The following SLC45A4 variants were observed in gnomAD, a reference collection of about 807,000 sequenced individuals.
The protein encoded by SLC45A4 is polyamine-transporter SLC45A4.
Under a neutral mutation model 63.7 loss-of-function variants are expected in SLC45A4, and 32 were observed. The ratio of observed to expected loss-of-function variants is 0.50; its 90% CI spans 0.38 to 0.67. The LOEUF is 0.67. Among genes scored for constraint, SLC45A4 ranks in the 30% least tolerant of loss-of-function variants. The probability of loss-of-function intolerance (pLI) is 0.00; values close to 1 mark genes in which losing one functional copy is unlikely to be tolerated. For synonymous variants in SLC45A4, 535 were observed against 510.0 expected, an observed-to-expected ratio of 1.05 and a Z score of -0.66; for missense variants, 1,027 against 1,157.7, an observed-to-expected ratio of 0.89 and a Z score of 1.64.
Position 141,218,458 on chromosome 8 carries a change from G to T in SLC45A4, c.1182C>A (p.Ala394=). The T allele has an allele frequency of 6.2e-7, 1 of 1,612,968 alleles. No individual in the cohort carries two copies. Among genetic ancestry groups the T allele is most frequent in the Non-Finnish European group, 8.5e-7 (1 of 1,179,944 alleles). The change falls in exon 5 of 9, where the codon GCC becomes GCA. Residue 394 remains alanine (A), a synonymous_variant. Coordinates refer to ENST00000517878, the MANE Select transcript of SLC45A4 (RefSeq NM_001286646.2). ...PNGSGSPTKD[A]LGGYTRVDTK... Reference sequence around the variant, plus strand: ...TGTCCACCCTGGTGTAGCCGCCGAGGGCGTCTTTTGTGGGGGAGCCACTTC... The same window carrying T: ...TGTCCACCCTGGTGTAGCCGCCGAGTGCGTCTTTTGTGGGGGAGCCACTTC...
rs371255094 is a variant in SLC45A4 at position 141,227,190 on chromosome 8, C to T, written c.242-5425G>A. Reference sequence around the variant, plus strand: ...TGAGACCAGGAAGGCTCTCCGTTCACAGGAAATACTGTGTCACCGCTCGGC... The same window carrying T: ...TGAGACCAGGAAGGCTCTCCGTTCATAGGAAATACTGTGTCACCGCTCGGC... On this transcript the variant is annotated intron_variant, in intron 2 of 8. Transcript: ENST00000517878. The surrounding 1 kb of genome is among the most constrained non-coding windows in gnomAD (Gnocchi z 4.4). 6.6e-6 allele frequency among the ~76,000 whole-genome samples: 1 copy of T among 152,202 alleles called. No homozygotes were observed. Among genetic ancestry groups the T allele is most frequent in the Non-Finnish European group, 1.5e-5 (1 of 68,046 alleles).
intron 1 of SLC45A4, among the ~76,000 whole-genome samples, chr8:141,289,551 G>A (rs563867718): frequency 6.6e-6 from 1 of 152,298 alleles, no homozygotes; most frequent in East Asian, 1.9e-4. Context: ...TGTACAAATG[G>A]GTATGACTGG....
In SLC45A4 at chr8:141,256,871, T is replaced by A. The variant is rs1357056389; in HGVS notation, c.-400-2242A>T. Reference sequence around the variant, plus strand: ...CTGTGTAATGAAACTTTTTTTTTTTTTTGAGACAGTCTCGCTCTGTTGCCC... The same window carrying A: ...CTGTGTAATGAAACTTTTTTTTTTTATTGAGACAGTCTCGCTCTGTTGCCC... On this transcript the variant is annotated intron_variant, in intron 1 of 8. Transcript: ENST00000517878. This position sits in a 1 kb window ranked among gnomAD's most constrained non-coding sequence, Gnocchi z 4.3. The A allele has an allele frequency of 2.9e-6, 1 of 344,442 alleles. No homozygotes were observed. Among genetic ancestry groups the A allele is most frequent in the Non-Finnish European group, 5.8e-6 (1 of 172,960 alleles). The allele number at this position is 344,442 out of a possible 1,614,324, so 21.3% of individuals were successfully genotyped here.
Position 141,256,292 on chromosome 8 carries a change from A to G in SLC45A4, c.-400-1663T>C, listed in dbSNP as rs1328101293. 1.7e-5 allele frequency: 5 copies of G among 297,574 alleles called. No individual in the cohort carries two copies. The highest frequency in any genetic ancestry group is 1.1e-4 in the African/African-American group (5 of 46,130). 18.4% of individuals were successfully genotyped at this position (297,574 alleles called of 1,614,324 possible). A position where few individuals can be genotyped will look rare whatever the true frequency, so the allele number is the denominator to read the frequency against. On this transcript the variant is annotated intron_variant, in intron 1 of 8. Transcript: ENST00000517878. This position sits in a 1 kb window ranked among gnomAD's most constrained non-coding sequence, Gnocchi z 4.3. ...TTAGAGCCCCTAAAAACACACCTAA[A>G]TGGTGTTCACAGTTTATATTAAGGT... is the stretch of plus-strand genomic sequence containing the variant.
At chr8:141,244,970 C>T (rs1014700696) in intron 2 of SLC45A4, among the ~76,000 whole-genome samples, 3 of 27,556 alleles carry the variant, frequency 1.1e-4, no homozygotes, top group Admixed American at 7.7e-4. Context: ...GGGGGGGGGG[C>T]GGTGTGGAGG....
At chr8:141,301,734 C>CAAAAAGAAAAAAAA (rs1830749864) in intron 1 of SLC45A4, among the ~76,000 whole-genome samples, 1 of 39,564 alleles carries the variant, frequency 2.5e-5, no homozygotes, top group Non-Finnish European at 5.0e-5. Flanking sequence ...GACCCTATCT[C>CAAAAAGAAAAAAAA]AAAAAAAAAA....
intron 1 of SLC45A4, among the ~76,000 whole-genome samples, chr8:141,260,490 C>G (rs1829000217): frequency 6.6e-6 from 1 of 152,242 alleles, no homozygotes; most frequent in South Asian, 2.1e-4. Context: ...CACCCAACAG[C>G]TCACAGCAGG....
chr8:141,280,861 G>A (rs893376105), intron 1 of SLC45A4, among the ~76,000 whole-genome samples: 11 of 152,340 alleles, frequency 7.2e-5, no homozygotes, highest in Admixed American at 3.3e-4. Context: ...GTCTTAGCAC[G>A]ACCTTGCTTC....
At position 141,218,159 on chromosome 8, in the gene SLC45A4, A is replaced by G. The variant is rs1826295028; in HGVS notation, c.1481T>C (p.Val494Ala). The part of the protein sequence containing the change: ...ESEEGEGETT[V>A]RLLWLSMLKM... ...CAGCATGGAGAGCCACAGCAGGCGC[A>G]CCGTGGTCTCGCCCTCCCCCTCCTC... Residue 494 changes from valine to alanine, a missense_variant, in exon 5 of 9, where the codon GTG becomes GCG. Physicochemically the swap from Val to Ala is moderately conservative, Grantham distance 64 (BLOSUM62 0). Transcript: ENST00000517878. The G allele has an allele frequency of 6.2e-7, 1 of 1,608,474 alleles. No individual in the cohort carries two copies. Among genetic ancestry groups the G allele is most frequent in the Non-Finnish European group, 8.5e-7 (1 of 1,179,874 alleles).
chr8:141,228,297 G>A, intron 2 of SLC45A4: 1 of 1,610,336 alleles, frequency 6.2e-7, no homozygotes, highest in Non-Finnish European at 8.5e-7. Context: ...CCCTGTGCCA[G>A]GCACCTCCCA....
rs370490556 is a variant in SLC45A4, at chr8:141,259,495, C to T, written c.-400-4866G>A. On this transcript the variant is annotated intron_variant, in intron 1 of 8. Transcript: ENST00000517878. ...CTGAGCTTGGCTCTGCCCACACCAC[C>T]GGCCATGCATCTCCCTTGCCCTTCC... Among the ~76,000 whole-genome samples the T allele has an allele frequency of 2.4e-4, 37 of 152,332 alleles. No individual in the cohort carries two copies. The East Asian group carries it at 4.0e-3, about 17-fold the overall frequency.
intron 3 of SLC45A4, among the ~76,000 whole-genome samples, chr8:141,220,727 G>C (rs1288484122): frequency 2.6e-5 from 4 of 152,264 alleles, no homozygotes; most frequent in Non-Finnish European, 5.9e-5. Context: ...ACGGCTCCGA[G>C]GCAGAGGGGC....
At position 141,210,263 on chromosome 8, in the gene SLC45A4, TC is replaced by T. The variant is rs1488254314; in HGVS notation, c.*1308del. The T allele has an allele frequency of 1.3e-5, 2 of 151,906 alleles. No homozygotes were observed. Among genetic ancestry groups the T allele is most frequent in the African/African-American group, 4.8e-5 (2 of 41,286 alleles). 9.4% of individuals were successfully genotyped at this position (151,906 alleles called of 1,614,324 possible). On this transcript the variant is annotated 3_prime_UTR_variant, in exon 9 of 9. Coordinates refer to ENST00000517878, the MANE Select transcript of SLC45A4 (RefSeq NM_001286646.2). ...CGAGGTGAGGAAGCCAGGGGTGCCG[TC>T]CCCCAGAGAAGAAGGGCCACAGTGC...
intron 2 of SLC45A4, 68 bp from the exon 3 acceptor site, chr8:141,221,833 G>T: frequency 6.4e-7 from 1 of 1,556,866 alleles, no homozygotes; most frequent in Non-Finnish European, 8.8e-7. Flanking sequence ...TTTCCTGGGA[G>T]CCCCGCGACA....
At chr8:141,241,222 G>A (rs1289073990) in intron 2 of SLC45A4, among the ~76,000 whole-genome samples, 4 of 152,272 alleles carry the variant, frequency 2.6e-5, no homozygotes, top group Non-Finnish European at 4.4e-5. Flanking sequence ...GTGGCTCTGC[G>A]GGCAGGCGGA....
chr8:141,289,239 G>A (rs1219360990), intron 1 of SLC45A4, among the ~76,000 whole-genome samples: 2 of 152,180 alleles, frequency 1.3e-5, no homozygotes, highest in African/African-American at 2.4e-5. Flanking sequence ...GAAGGAGTGA[G>A]AAACAGGGCT....
At chr8:141,293,263 G>T (rs1195005534) in intron 1 of SLC45A4, among the ~76,000 whole-genome samples, 1 of 152,042 alleles carries the variant, frequency 6.6e-6, no homozygotes, top group Non-Finnish European at 1.5e-5. Context: ...GACCAGCCTG[G>T]CCAACATGGT....
intron 1 of SLC45A4, among the ~76,000 whole-genome samples, chr8:141,302,130 TAAAAAGC>T (rs1202085146): frequency 1.3e-5 from 2 of 152,200 alleles, no homozygotes; most frequent in African/African-American, 2.4e-5. Context: ...GGATACTTTT[TAAAAAGC>T]AATACAATGG....
chr8:141,234,825 C>T (rs564259744), intron 2 of SLC45A4, among the ~76,000 whole-genome samples: 3 of 152,196 alleles, frequency 2.0e-5, no homozygotes, highest in African/African-American at 7.2e-5. Context: ...GCCCCTCCCC[C>T]CAGCACAGCC....
Sources: allele counts gnomAD v4.1 joint callset (sites outside exome capture counted in the v4.1 genomes callset), GRCh38; gene constraint gnomAD v4.1.1; non-coding constraint Gnocchi (gnomAD v3.1); transcripts MANE v1.5; gene names NCBI Gene and HGNC (gene_info 2026-07-23, HGNC 2026-07-21).